The following SNTB2 variants were observed in gnomAD, a reference collection of about 807,000 sequenced individuals.
The protein encoded by SNTB2 is beta-2-syntrophin.
In SNTB2, 34 loss-of-function variants were observed where a neutral mutation model predicts 46.2. That is an observed-to-expected ratio of 0.74 (90% CI 0.56 to 0.98). SNTB2 has a LOEUF of 0.98. Ranked by LOEUF, SNTB2 falls within the 50% of genes least tolerant of loss-of-function variation. SNTB2 has a pLI of 0.00. For synonymous variants in SNTB2, 290 were observed against 312.6 expected (o/e 0.93, Z 0.76); for missense variants, 603 against 731.4 (o/e 0.82, Z 2.02).
intron 1 of SNTB2, among the ~76,000 whole-genome samples, chr16:69,190,554 A>G (rs1964039944): frequency 6.6e-6 from 1 of 152,194 alleles, no homozygotes; most frequent in Non-Finnish European, 1.5e-5. Flanking sequence ...TGCTGTTTTA[A>G]TAGAAGTTTG....
At chr16:69,193,013 G>C (rs1402297766) in intron 1 of SNTB2, among the ~76,000 whole-genome samples, 1 of 152,008 alleles carries the variant, frequency 6.6e-6, no homozygotes, top group Non-Finnish European at 1.5e-5. Context: ...AAGTTATCTT[G>C]AATGTGTTAT....
intron 2 of SNTB2, among the ~76,000 whole-genome samples, chr16:69,251,933 A>G (rs1964731289): frequency 1.3e-5 from 2 of 152,220 alleles, no homozygotes; most frequent in African/African-American, 4.8e-5. Context: ...TAAAAATAAA[A>G]CAATAAAATA....
At chr16:69,299,478 TCA>T (rs1448381103) in intron 5 of SNTB2, 110 bp from the exon 6 acceptor site, 63 of 1,028,780 alleles carry the variant, frequency 6.1e-5, no homozygotes, top group Non-Finnish European at 8.7e-5. Context: ...AGGTTAGGTA[TCA>T]CACATTCTCA....
chr16:69,191,757 C>T (rs1964057092), intron 1 of SNTB2, among the ~76,000 whole-genome samples: 1 of 151,954 alleles, frequency 6.6e-6, no homozygotes, highest in Admixed American at 6.6e-5. Flanking sequence ...TCTGCTGCCT[C>T]AGCCTCCCAA....
At chr16:69,206,004 T>C (rs1964212706) in intron 1 of SNTB2, among the ~76,000 whole-genome samples, 1 of 152,124 alleles carries the variant, frequency 6.6e-6, no homozygotes, top group African/African-American at 2.4e-5. Context: ...TTGTTGTTGT[T>C]GTCAAAGGCA....
At position 69,245,639 on chromosome 16, in the gene SNTB2, G is replaced by A. The variant is rs1315816558; in HGVS notation, c.618G>A (p.Lys206=). 6.2e-7 allele frequency: 1 copy of A among 1,613,886 alleles called. No individual in the cohort carries two copies. Among genetic ancestry groups the A allele is most frequent in the Non-Finnish European group, 8.5e-7 (1 of 1,179,982 alleles). The change falls in exon 2 of 7, where the codon AAG becomes AAA. Residue 206 remains lysine (K), a synonymous_variant. Coordinates refer to ENST00000336278, the MANE Select transcript of SNTB2 (RefSeq NM_006750.4). ...GAGAAGTAACACCATATATCAAGAAGCCATCATTAGTATCAGATCTGCCGT... is the reference window on the plus strand; with the variant it reads ...GAGAAGTAACACCATATATCAAGAAACCATCATTAGTATCAGATCTGCCGT... The part of the protein sequence containing the change: ...FIREVTPYIK[K]PSLVSDLPWE...
chr16:69,235,081 GCTCA>G (rs1470465757), intron 1 of SNTB2, among the ~76,000 whole-genome samples: 44 of 151,946 alleles, frequency 2.9e-4, no homozygotes, highest in Non-Finnish European at 3.7e-4. Flanking sequence ...TGCAATTTTG[GCTCA>G]CTGCAGCCTC....
chr16:69,251,558 C>G (rs1340249122), intron 2 of SNTB2, among the ~76,000 whole-genome samples: 3 of 150,650 alleles, frequency 2.0e-5, no homozygotes, highest in Non-Finnish European at 4.4e-5. Context: ...GTGGGCAGAT[C>G]ACCTGAGGTC....
chr16:69,292,374 ATATAT>A (rs1212429134), intron 5 of SNTB2, among the ~76,000 whole-genome samples: 1 of 40,698 alleles, frequency 2.5e-5, no homozygotes, highest in Non-Finnish European at 4.2e-5. Flanking sequence ...ATATATATAT[ATATAT>A]TATATATATA....
At chr16:69,286,286 C>G (rs897455579) in intron 5 of SNTB2, among the ~76,000 whole-genome samples, 1 of 152,152 alleles carries the variant, frequency 6.6e-6, no homozygotes, top group African/African-American at 2.4e-5. Flanking sequence ...AGTGTAAGAA[C>G]TAGCCAGTAA....
In SNTB2 at chr16:69,300,083, A is replaced by G. The variant is rs558538354; in HGVS notation, c.1530+309A>G. 7.3e-5 allele frequency among the ~76,000 whole-genome samples: 11 copies of G among 151,404 alleles called. No individual in the cohort carries two copies. The South Asian group carries it at 2.1e-3, about 29-fold the overall frequency. ...GGCCAATTTTTTATATTCTTTATAG[A>G]GATGAGGTCTCGCTTTGCTGCCCAG... On this transcript the variant is annotated intron_variant, in intron 6 of 6. Coordinates refer to ENST00000336278, the MANE Select transcript of SNTB2 (RefSeq NM_006750.4).
In SNTB2 at chr16:69,292,413, ATATATT is replaced by A. The variant is rs1567416484; in HGVS notation, c.1346-7176_1346-7171del. Among the ~76,000 whole-genome samples the A allele has an allele frequency of 6.5e-4, 15 of 23,032 alleles. 4 individuals carry two copies. Among genetic ancestry groups the A allele is most frequent in the African/African-American group, 5.6e-3 (15 of 2,666 alleles). The allele number at this position is 23,032 out of a possible 152,430, so 15.1% of individuals were successfully genotyped here. The stretch of plus-strand genomic sequence containing the variant: ...TATTATATATATATATATATTATAT[ATATATT>A]ATATATATATATATATTATATATAT... On this transcript the variant is annotated intron_variant, in intron 5 of 6. Transcript: ENST00000336278.
chr16:69,227,828 G>A (rs1964473067), intron 1 of SNTB2, among the ~76,000 whole-genome samples: 1 of 145,866 alleles, frequency 6.9e-6, no homozygotes, highest in Non-Finnish European at 1.5e-5. Context: ...TGGTTAGCTT[G>A]CTGTTTCTCT....
At chr16:69,294,019 TTTTGTTTG>T (rs926510391) in intron 5 of SNTB2, among the ~76,000 whole-genome samples, 6 of 152,160 alleles carry the variant, frequency 3.9e-5, no homozygotes, top group African/African-American at 7.2e-5. Flanking sequence ...ATTTTATGTT[TTTTGTTTG>T]TTTGTTTGTT....
intron 2 of SNTB2, among the ~76,000 whole-genome samples, chr16:69,248,775 C>T (rs1964695596): frequency 6.7e-6 from 1 of 148,988 alleles, no homozygotes. Flanking sequence ...GCTTGGGCAA[C>T]ATAACAAGAC....
At chr16:69,257,748 A>G (rs1964793159) in intron 2 of SNTB2, among the ~76,000 whole-genome samples, 1 of 151,976 alleles carries the variant, frequency 6.6e-6, no homozygotes, top group Non-Finnish European at 1.5e-5. Context: ...CCCAGCCACA[A>G]CTCTTATTTT....
At chr16:69,281,299 T>G (rs977782957) in intron 4 of SNTB2, among the ~76,000 whole-genome samples, 1 of 151,734 alleles carries the variant, frequency 6.6e-6, no homozygotes, top group Non-Finnish European at 1.5e-5. Context: ...TGGCGCGATC[T>G]CGGCTCACTG....
intron 1 of SNTB2, among the ~76,000 whole-genome samples, chr16:69,190,356 G>A (rs1053795270): frequency 1.3e-5 from 2 of 152,176 alleles, no homozygotes; most frequent in African/African-American, 4.8e-5. Context: ...TGTGGTTAAG[G>A]AATTGAGTTA....
At chr16:69,229,842 CA>C (rs74748760) in intron 1 of SNTB2, among the ~76,000 whole-genome samples, 41,944 of 107,976 alleles carry the variant, frequency 0.39, 7,389 homozygotes, top group East Asian at 0.54. Context: ...GACCCTGTCT[CA>C]AAAAAAAAAA....
Sources: allele counts gnomAD v4.1 joint callset (sites outside exome capture counted in the v4.1 genomes callset), GRCh38; gene constraint gnomAD v4.1.1; transcripts MANE v1.5; gene names NCBI Gene and HGNC (gene_info 2026-07-23, HGNC 2026-07-21).